PCDH15: variants seen among roughly 807,000 people sequenced by gnomAD.
PCDH15 encodes protocadherin-15.
Under a neutral mutation model 178.5 loss-of-function variants are expected in PCDH15, and 129 were observed. The observed-to-expected ratio is 0.72, with a 90% CI of 0.63 to 0.84. PCDH15 has a LOEUF of 0.84. PCDH15 is among the 40% of genes least tolerant of loss of function. The pLI is 0.00. For missense variants in PCDH15, 2,230 were observed against 2,099.9 expected (o/e 1.06, Z -1.21); for synonymous variants, 800 against 732.0 (o/e 1.09, Z -1.50).
rs1843163801 is a variant in PCDH15 at position 55,297,521 on chromosome 10, T to C, written c.-156+22078A>G. 3.3e-5 allele frequency among the ~76,000 whole-genome samples: 5 copies of C among 152,270 alleles called. No homozygotes were observed. In the South Asian group the frequency reaches 1.0e-3, roughly 32 times the overall value. On this transcript the variant is annotated intron_variant, in intron 1 of 5. Transcript: ENST00000458638. ...GGAAATAAATCTTAAAATCCATTTG[T>C]AAAATTATAAATTTTTAGAAAAATT...
intron 1 of PCDH15, among the ~76,000 whole-genome samples, chr10:55,269,077 T>A (rs1467506673): frequency 6.6e-6 from 1 of 151,898 alleles, no homozygotes; most frequent in East Asian, 1.9e-4. Context: ...TTCAACATAA[T>A]CCAACATCTC....
intron 8 of PCDH15, among the ~76,000 whole-genome samples, chr10:54,288,514 A>G (rs536087995): frequency 1.2e-4 from 19 of 152,206 alleles, no homozygotes; most frequent in African/African-American, 4.6e-4. Context: ...TCACTGGTTG[A>G]ATAGTGGGTG....
intron 3 of PCDH15, among the ~76,000 whole-genome samples, chr10:54,448,902 T>A (rs1353067888): frequency 6.6e-6 from 1 of 151,802 alleles, no homozygotes; most frequent in Non-Finnish European, 1.5e-5. Context: ...TAAGGGTCTG[T>A]AGACTACATC....
intron 25 of PCDH15, among the ~76,000 whole-genome samples, chr10:53,908,981 A>G (rs922677259): frequency 1.3e-5 from 2 of 152,154 alleles, no homozygotes; most frequent in African/African-American, 4.8e-5. Flanking sequence ...CTTTACGGGT[A>G]TATTAATTAT....
At chr10:54,480,506 T>C (rs767251649) in intron 3 of PCDH15, among the ~76,000 whole-genome samples, 1 of 152,052 alleles carries the variant, frequency 6.6e-6, no homozygotes, top group Non-Finnish European at 1.5e-5. Context: ...TGTTATTTGC[T>C]ACTTAAAATG....
intron 8 of PCDH15, among the ~76,000 whole-genome samples, chr10:54,300,667 A>C (rs764388035): frequency 9.9e-5 from 15 of 152,208 alleles, no homozygotes; most frequent in Non-Finnish European, 1.8e-4. Flanking sequence ...GGCTTGGAGA[A>C]CTTTTGTGTC....
Position 54,814,804 on chromosome 10 carries a change from CATGGAACACTAGGCATAA to C in PCDH15, c.-29+82628_-29+82645del, listed in dbSNP as rs1952922317. Among the ~76,000 whole-genome samples the C allele has an allele frequency of 3.3e-5, 5 of 152,262 alleles. No individual in the cohort carries two copies. The South Asian group carries it at 1.0e-3, about 32-fold the overall frequency. Reference sequence around the variant, plus strand: ...ATTCCCACATGCTTAGCGTTCCAATCATGGAACACTAGGCATAAATGGCCAAATATGTTTGTGCTTCTG... The same window carrying C: ...ATTCCCACATGCTTAGCGTTCCAATCATGGCCAAATATGTTTGTGCTTCTG... On this transcript the variant is annotated intron_variant, in intron 3 of 5. Coordinates refer to the PCDH15 transcript ENST00000458638.
intron 2 of PCDH15, among the ~76,000 whole-genome samples, chr10:55,135,982 T>A (rs1004598248): frequency 2.6e-5 from 4 of 152,174 alleles, no homozygotes; most frequent in Non-Finnish European, 5.9e-5. Context: ...TCATCCTTTT[T>A]TCATAGTGTG....
chr10:54,040,040 G>T (rs1451330177), intron 18 of PCDH15, among the ~76,000 whole-genome samples: 1 of 151,934 alleles, frequency 6.6e-6, no homozygotes, highest in Non-Finnish European at 1.5e-5. Flanking sequence ...GAGTTATTTT[G>T]TTATTTAGTC....
intron 15 of PCDH15, among the ~76,000 whole-genome samples, chr10:54,120,978 C>T (rs2095208590): frequency 6.6e-6 from 1 of 151,604 alleles, no homozygotes; most frequent in African/African-American, 2.4e-5. Flanking sequence ...CCATGCACCA[C>T]AGAATATACA....
chr10:54,698,342 A>G (rs1449931329), intron 1 of PCDH15, among the ~76,000 whole-genome samples: 1 of 152,166 alleles, frequency 6.6e-6, no homozygotes, highest in African/African-American at 2.4e-5. Flanking sequence ...CTCAAAGAAT[A>G]GAGAAGACTG....
chr10:55,029,948 G>A (rs186817203), intron 2 of PCDH15, among the ~76,000 whole-genome samples: 6 of 152,166 alleles, frequency 3.9e-5, no homozygotes, highest in East Asian at 3.9e-4. Flanking sequence ...GAGTGATGAC[G>A]TGGTCCCACC....
chr10:54,673,247 C>A (rs1254674587), intron 1 of PCDH15, among the ~76,000 whole-genome samples: 1 of 151,960 alleles, frequency 6.6e-6, no homozygotes, highest in Non-Finnish European at 1.5e-5. Flanking sequence ...CGACAGGCCC[C>A]AGTGTGTGAT....
chr10:54,481,381 C>A (rs1469594061), intron 3 of PCDH15, among the ~76,000 whole-genome samples: 1 of 151,662 alleles, frequency 6.6e-6, no homozygotes, highest in Non-Finnish European at 1.5e-5. Context: ...AACCATATTT[C>A]TTACATAACA....
intron 1 of PCDH15, among the ~76,000 whole-genome samples, chr10:55,254,089 T>C (rs997218684): frequency 3.9e-5 from 6 of 152,294 alleles, no homozygotes; most frequent in African/African-American, 1.4e-4. Context: ...GAAAACGCAT[T>C]TATTACAGTT....
rs558264162 is a variant in PCDH15 at position 55,483,773 on chromosome 10, G to A, written c.-156+143852C>T. On this transcript the variant is annotated intron_variant, in intron 2 of 5. Coordinates refer to the PCDH15 transcript ENST00000613346. ...AGAGTTTGCAGTGAGTTGAGATCATGCCACTGTAGTACAGCCTGGGTGAAA... is the reference window on the plus strand; with the variant it reads ...AGAGTTTGCAGTGAGTTGAGATCATACCACTGTAGTACAGCCTGGGTGAAA... 2.0e-5 allele frequency among the ~76,000 whole-genome samples: 3 copies of A among 148,402 alleles called. No homozygotes were observed. The East Asian group carries it at 6.1e-4, about 30-fold the overall frequency.
At chr10:54,524,722 C>A (rs1476435517) in intron 3 of PCDH15, among the ~76,000 whole-genome samples, 2 of 152,206 alleles carry the variant, frequency 1.3e-5, no homozygotes, top group East Asian at 3.8e-4. Flanking sequence ...AATGAAATTA[C>A]ATACTAAATA....
intron 1 of PCDH15, among the ~76,000 whole-genome samples, chr10:54,792,796 C>G (rs1951545684): frequency 4.0e-5 from 6 of 151,852 alleles, no homozygotes; most frequent in African/African-American, 1.5e-4. Flanking sequence ...TGTCACCTAT[C>G]TAATTTCCTA....
chr10:54,421,001 G>A (rs74136150), intron 3 of PCDH15, among the ~76,000 whole-genome samples: 8,087 of 151,994 alleles, frequency 0.053, 727 homozygotes, highest in African/African-American at 0.19. Flanking sequence ...GGAATACCAC[G>A]AAAAAAGCTT....
Sources: allele counts gnomAD v4.1 joint callset (sites outside exome capture counted in the v4.1 genomes callset), GRCh38; gene constraint gnomAD v4.1.1; transcripts MANE v1.5; gene names NCBI Gene and HGNC (gene_info 2026-07-23, HGNC 2026-07-21).